ACACB: variants seen among roughly 807,000 people sequenced by gnomAD.
ACACB encodes acetyl-CoA carboxylase beta.
ACACB carries 209 observed loss-of-function variants against 278.8 expected under a neutral mutation model. That is an observed-to-expected ratio of 0.75 (90% CI 0.67 to 0.84). ACACB has a LOEUF of 0.84. Ranked by LOEUF, ACACB falls within the 40% of genes least tolerant of loss-of-function variation. The pLI, the probability that ACACB is intolerant of heterozygous loss-of-function variation, is 0.00. For missense variants in ACACB, 2,850 were observed against 3,269.0 expected, an observed-to-expected ratio of 0.87 and a Z score of 3.13; for synonymous variants, 1,174 against 1,285.6, an observed-to-expected ratio of 0.91 and a Z score of 1.86.
rs1855370929 is a variant in ACACB, at chr12:109,222,682, T to C, written c.3678+62T>C. On this transcript the variant is annotated intron_variant, in intron 25 of 52. Coordinates refer to ENST00000338432, the MANE Select transcript of ACACB (RefSeq NM_001093.4). ...TCCCCCCACCCTCCTATGTGTCCCCTACCGTGCTCAGCCCTCACCATGCAC... is the reference window on the plus strand; with the variant it reads ...TCCCCCCACCCTCCTATGTGTCCCCCACCGTGCTCAGCCCTCACCATGCAC... 14 of 1,531,026 alleles carry C rather than the reference T, an allele frequency of 9.1e-6. No individual in the cohort carries two copies. The South Asian group carries it at 1.6e-4, about 17-fold the overall frequency. The allele number at this position is 1,531,026 out of a possible 1,614,324, so 94.8% of individuals were successfully genotyped here. A position where few individuals can be genotyped will look rare whatever the true frequency, so the allele number is the denominator to read the frequency against.
At chr12:109,250,429 C>A (rs1239573081) in intron 41 of ACACB, among the ~76,000 whole-genome samples, 1 of 152,172 alleles carries the variant, frequency 6.6e-6, no homozygotes. Flanking sequence ...ACAGAATCAG[C>A]AATATCATTG....
intron 1 of ACACB, among the ~76,000 whole-genome samples, chr12:109,128,739 C>T (rs1347008890): frequency 2.0e-5 from 3 of 150,494 alleles, no homozygotes; most frequent in Admixed American, 2.0e-4. Flanking sequence ...TACAGAAGTA[C>T]TTTTGTTGCT....
intron 1 of ACACB, chr12:109,125,133 A>C (rs369377967): frequency 2.0e-5 from 3 of 152,212 alleles, no homozygotes; most frequent in African/African-American, 7.2e-5. Flanking sequence ...GGGCGGGGCT[A>C]AGTCTATTTT....
chr12:109,244,453 C>T (rs1489302076), intron 37 of ACACB, among the ~76,000 whole-genome samples: 1 of 152,130 alleles, frequency 6.6e-6, no homozygotes. Context: ...TCAGTGGGCG[C>T]TTAATAAGTG....
At chr12:109,223,468 TACTC>T (rs988725658) in intron 26 of ACACB, among the ~76,000 whole-genome samples, 9 of 152,094 alleles carry the variant, frequency 5.9e-5, no homozygotes, top group East Asian at 3.9e-4. Context: ...TTAAAAAACT[TACTC>T]ACTGGCTGGG....
At position 109,140,284 on chromosome 12, in the gene ACACB, T is replaced by G. The variant is rs142222871; in HGVS notation, c.653+226T>G. Among the ~76,000 whole-genome samples, 2 of 82,166 alleles carry G rather than the reference T, an allele frequency of 2.4e-5. 1 individual carries two copies. Among genetic ancestry groups the G allele is most frequent in the East Asian group, 5.7e-4 (2 of 3,510 alleles). The allele number at this position is 82,166 out of a possible 152,430, so 53.9% of individuals were successfully genotyped here. A position where few individuals can be genotyped will look rare whatever the true frequency, so the allele number is the denominator to read the frequency against. Reference sequence around the variant, plus strand: ...CTTCCTTCCTTCTTTCCTTCCTTCCTTCCTTCCTTCCTTCCTTCCTTCCTT... The same window carrying G: ...CTTCCTTCCTTCTTTCCTTCCTTCCGTCCTTCCTTCCTTCCTTCCTTCCTT... On this transcript the variant is annotated intron_variant, in intron 2 of 52. Coordinates refer to ENST00000338432, the MANE Select transcript of ACACB (RefSeq NM_001093.4).
intron 13 of ACACB, chr12:109,191,357 G>C (rs1281873849): frequency 5.7e-6 from 2 of 352,332 alleles, no homozygotes; most frequent in African/African-American, 4.2e-5. Context: ...GAGATTACAG[G>C]CGTCCTCCAC....
chr12:109,235,427 C>A, intron 32 of ACACB, 58 bp downstream of exon 32: 1 of 1,535,062 alleles, frequency 6.5e-7, no homozygotes, highest in South Asian at 1.1e-5. Context: ...TGGTGTGTGC[C>A]ATTTATTTGA....
At chr12:109,250,448 T>A (rs1377699775) in intron 41 of ACACB, among the ~76,000 whole-genome samples, 1 of 152,114 alleles carries the variant, frequency 6.6e-6, no homozygotes, top group Non-Finnish European at 1.5e-5. Flanking sequence ...TGAAACCCAG[T>A]GTGGTTTAAC....
rs140391053 is a variant in ACACB, at chr12:109,253,047, C to T, written c.5934C>T (p.Asn1978=). Residue 1978 remains asparagine, a synonymous_variant, in exon 43 of 53, where the codon AAC becomes AAT. Coordinates refer to ENST00000338432, the MANE Select transcript of ACACB (RefSeq NM_001093.4). ...VLGREVYTSN[N]QLGGVQIMHY... ...GAAGAGAGGTCTACACATCCAACAA[C>T]CAGCTGGGTGGCGTTCAGATCATGC... The T allele has an allele frequency of 6.8e-6, 11 of 1,612,444 alleles. No homozygotes were observed. The highest frequency in any genetic ancestry group is 3.3e-4 in the Middle Eastern group (2 of 6,082).
intron 11 of ACACB, among the ~76,000 whole-genome samples, chr12:109,182,391 A>G (rs1251214192): frequency 1.3e-5 from 2 of 151,334 alleles, no homozygotes. Context: ...TTTTTGAGCC[A>G]GGGCCTTGCT....
intron 35 of ACACB, 92 bp downstream of exon 35, chr12:109,240,077 T>A (rs1368872041): frequency 6.9e-7 from 1 of 1,459,084 alleles, no homozygotes; most frequent in East Asian, 2.4e-5. Flanking sequence ...ACTCAAGACC[T>A]GGGTTCCAGG....
chr12:109,253,121 T>G lies in ACACB; in HGVS notation c.6008T>G (p.Val2003Gly). The change falls in exon 43 of 53, where the codon GTT becomes GGT. Residue 2003 changes from valine (V) to glycine (G), a missense_variant. This residue lies in a region of ACACB where 579 missense variants were observed against 684.6 expected (regional missense o/e 0.85). Coordinates refer to ENST00000338432, the MANE Select transcript of ACACB (RefSeq NM_001093.4). ...ACCGTGCCAGATGACTTTGAGGGGG[T>G]TTATACCATCCTGGAGTGGCTGTCC... ...HITVPDDFEG[V>G]YTILEWLSYM... 1 of 1,608,766 alleles carries G rather than the reference T, an allele frequency of 6.2e-7. No homozygotes were observed. The highest frequency in any genetic ancestry group is 8.5e-7 in the Non-Finnish European group (1 of 1,176,838).
intron 11 of ACACB, among the ~76,000 whole-genome samples, chr12:109,181,280 T>G (rs970319118): frequency 1.4e-5 from 2 of 147,836 alleles, no homozygotes; most frequent in African/African-American, 5.1e-5. Flanking sequence ...CAGGCTGGAG[T>G]GTAGTGGTGC....
intron 2 of ACACB, among the ~76,000 whole-genome samples, chr12:109,156,593 T>G (rs1238956810): frequency 3.5e-5 from 4 of 113,220 alleles, no homozygotes; most frequent in South Asian, 2.9e-4. Flanking sequence ...CTCTGTTTTT[T>G]TTTTTTTTTT....
intron 1 of ACACB, among the ~76,000 whole-genome samples, chr12:109,123,289 T>C (rs946706464): frequency 1.3e-5 from 2 of 152,168 alleles, no homozygotes; most frequent in African/African-American, 4.8e-5. Context: ...ATTTGTCACC[T>C]GTAAATTGCA....
At chr12:109,206,259 A>C (rs144342617) in intron 19 of ACACB, among the ~76,000 whole-genome samples, 13,945 of 151,614 alleles carry the variant, frequency 0.092, 1,597 homozygotes, top group African/African-American at 0.27. Flanking sequence ...CATGGTGAAA[A>C]CCTGTCTATA....
At position 109,206,791 on chromosome 12, in the gene ACACB, G is replaced by A. The variant is rs572071754; in HGVS notation, c.2995G>A (p.Val999Ile). 157 of 1,614,118 alleles carry A rather than the reference G, an allele frequency of 9.7e-5. No individual in the cohort carries two copies. The East Asian group carries it at 2.0e-3, about 21-fold the overall frequency. ...GEKLHQVFHS[V>I]LENLTNVMSG... ...GAAACTGCACCAGGTCTTCCACAGCGTCCTGGAAAACCTCACCAACGTCAT... is the reference window on the plus strand; with the variant it reads ...GAAACTGCACCAGGTCTTCCACAGCATCCTGGAAAACCTCACCAACGTCAT... Residue 999 changes from valine (V) to isoleucine (I), a missense_variant, in exon 20 of 53, where the codon GTC becomes ATC. Physicochemically the swap from Val to Ile is conservative, Grantham distance 29. Transcript: ENST00000338432.
chr12:109,125,116 T>G (rs1023373902), intron 1 of ACACB: 6 of 152,194 alleles, frequency 3.9e-5, no homozygotes, highest in Admixed American at 1.3e-4. Context: ...GTCCTTTTTT[T>G]GTGTGTGGGC....
Sources: gnomAD v4.1 joint callset for allele counts (sites outside exome capture counted in the v4.1 genomes callset) on GRCh38, gnomAD v4.1.1 for gene constraint, gnomAD v4.1.1 regional missense constraint, MANE v1.5 for transcripts, NCBI Gene and HGNC (gene_info 2026-07-23, HGNC 2026-07-21) for gene names.